UGT1A7: variants seen among roughly 807,000 people sequenced by gnomAD.
UGT1A7 encodes UDP glucuronosyltransferase family 1 member A7.
Under a neutral mutation model 45.6 loss-of-function variants are expected in UGT1A7, and 33 were observed. That is an observed-to-expected ratio of 0.72 (90% CI 0.55 to 0.97). The LOEUF (loss-of-function observed/expected upper bound fraction) is 0.97, where lower values mean the gene tolerates loss of function less well. Among genes scored for constraint, UGT1A7 ranks in the 50% least tolerant of loss-of-function variants. The pLI is 0.00. For synonymous variants in UGT1A7, 274 were observed against 250.6 expected, an observed-to-expected ratio of 1.09 and a Z score of -0.88; for missense variants, 684 against 666.2, an observed-to-expected ratio of 1.03 and a Z score of -0.29.
chr2:233,734,316 G>A (rs901431667), intron 1 of UGT1A7, among the ~76,000 whole-genome samples: 3 of 152,136 alleles, frequency 2.0e-5, no homozygotes, highest in Admixed American at 6.5e-5. Context: ...TTGTGTAGAC[G>A]TATTTATAGT....
chr2:233,720,875 T>C (rs1162518067), intron 1 of UGT1A7, among the ~76,000 whole-genome samples: 2 of 150,264 alleles, frequency 1.3e-5, no homozygotes, highest in East Asian at 3.9e-4. Context: ...CTGGCAATTT[T>C]TTTTTTTTTT....
intron 1 of UGT1A7, chr2:233,743,520 G>C (rs759007678): frequency 7.3e-7 from 1 of 1,367,248 alleles, no homozygotes; most frequent in South Asian, 1.1e-5. Context: ...CTCTGCTTCT[G>C]CTTCCCCAGC....
At chr2:233,768,037 T>C (rs1699552537) in intron 3 of UGT1A7, 101 bp downstream of exon 3, 3 of 1,611,640 alleles carry the variant, frequency 1.9e-6, no homozygotes, top group Non-Finnish European at 2.5e-6. Context: ...GAAAATATTA[T>C]GGCCAACATA....
chr2:233,725,481 C>T (rs1370890816), intron 1 of UGT1A7, among the ~76,000 whole-genome samples: 11 of 151,704 alleles, frequency 7.3e-5, no homozygotes, highest in Non-Finnish European at 1.5e-4. Context: ...TGTTAGAAAC[C>T]AGCAAAAAGA....
chr2:233,727,261 C>T (rs1322887481), intron 1 of UGT1A7, among the ~76,000 whole-genome samples: 2 of 152,146 alleles, frequency 1.3e-5, no homozygotes, highest in African/African-American at 4.8e-5. Flanking sequence ...GCCCAGACCC[C>T]TCCTCATCTC....
At chr2:233,689,824 G>A (rs2074961035) in intron 1 of UGT1A7, 1 of 450,264 alleles carries the variant, frequency 2.2e-6, no homozygotes, top group African/African-American at 2.0e-5. Flanking sequence ...AACATCTCTG[G>A]ACTCTAACTT....
intron 2 of UGT1A7, 76 bp from the exon 3 acceptor site, chr2:233,767,773 C>G: frequency 6.2e-7 from 1 of 1,611,908 alleles, no homozygotes; most frequent in Admixed American, 1.7e-5. Flanking sequence ...CCCCTGTTTT[C>G]TAGTTAGTAT....
chr2:233,743,520 G>A (rs759007678), intron 1 of UGT1A7: 1 of 1,367,248 alleles, frequency 7.3e-7, no homozygotes, highest in Non-Finnish European at 9.8e-7. Flanking sequence ...CTCTGCTTCT[G>A]CTTCCCCAGC....
In UGT1A7 at chr2:233,752,546, T is replaced by C. The variant is rs530394828; in HGVS notation, c.856-14488T>C. ...TAAAAATTCTTTAAATAAAATGCTC[T>C]TGCTGGGACAACATAGTGGGTCAAC... is the stretch of plus-strand genomic sequence containing the variant. On this transcript the variant is annotated intron_variant, in intron 1 of 4. Coordinates refer to ENST00000373426, the MANE Select transcript of UGT1A7 (RefSeq NM_019077.3). The C allele has an allele frequency of 2.0e-5, 3 of 152,346 alleles. No homozygotes were observed. The East Asian group carries it at 5.8e-4, about 29-fold the overall frequency. The allele number at this position is 152,346 out of a possible 1,614,324, so 9.4% of individuals were successfully genotyped here.
chr2:233,738,550 A>G (rs1046913634), intron 1 of UGT1A7, among the ~76,000 whole-genome samples: 1 of 152,224 alleles, frequency 6.6e-6, no homozygotes, highest in African/African-American at 2.4e-5. Flanking sequence ...AGTCTCAGAT[A>G]GAGATGAGGA....
rs1381446739 is a variant in UGT1A7, at chr2:233,682,137, G to A, written c.200G>A (p.Gly67Glu). 3.1e-6 allele frequency: 5 copies of A among 1,614,078 alleles called. No individual in the cohort carries two copies. Among genetic ancestry groups the A allele is most frequent in the South Asian group, 1.1e-5 (1 of 91,084 alleles). ...ATGCCAGAGGTGAGTTGGCAACTGG[G>A]AAGATCACTGAATTGCACAGTGAAG... ...VVMPEVSWQL[G>E]RSLNCTVKTY... Residue 67 changes from glycine (G) to glutamate (E), a missense_variant, in exon 1 of 5, where the codon GGA (glycine) becomes GAA (glutamate). Coordinates refer to ENST00000373426, the MANE Select transcript of UGT1A7 (RefSeq NM_019077.3).
intron 1 of UGT1A7, among the ~76,000 whole-genome samples, chr2:233,702,208 A>C (rs2075676180): frequency 6.6e-6 from 1 of 152,148 alleles, no homozygotes; most frequent in South Asian, 2.1e-4. Context: ...GCCATTAATC[A>C]ACTTTCTGTC....
intron 1 of UGT1A7, chr2:233,747,685 G>C: frequency 1.2e-6 from 2 of 1,608,708 alleles, no homozygotes; most frequent in Non-Finnish European, 1.7e-6. Context: ...TACCTCTGTG[G>C]GGCAGTGCTG....
intron 1 of UGT1A7, chr2:233,692,086 G>A (rs1010859052): frequency 1.3e-5 from 2 of 152,196 alleles, no homozygotes; most frequent in Admixed American, 6.5e-5. Flanking sequence ...ATTGAAGATT[G>A]ATTTGATCAC....
rs1025205090 is a variant in UGT1A7, at chr2:233,748,083, G to A, written c.856-18951G>A. 35 of 1,612,864 alleles carry A rather than the reference G, an allele frequency of 2.2e-5. No homozygotes were observed. In the Middle Eastern group the frequency reaches 5.0e-4, roughly 23 times the overall value. On this transcript the variant is annotated intron_variant, in intron 1 of 4. Transcript: ENST00000373426. ...CAACAGGAAGCCACTATCTCAGGTC[G>A]GTGTTCGTGCCTTCATCCAATCAAT... is the stretch of plus-strand genomic sequence containing the variant.
In UGT1A7 at chr2:233,742,896, A is replaced by G. The variant is rs28900374; in HGVS notation, c.856-24138A>G. On this transcript the variant is annotated intron_variant, in intron 1 of 4. Coordinates refer to ENST00000373426, the MANE Select transcript of UGT1A7 (RefSeq NM_019077.3). ...CACCTGGCTCACACTTTCCCAACGG[A>G]AAAAGGTAATGCTCAAAGTGCTGAA... 1,545 of 165,018 alleles carry G rather than the reference A, an allele frequency of 9.4e-3. 58 individuals are homozygous for G. Among genetic ancestry groups the G allele is most frequent in the African/African-American group, 0.035 (1,468 of 41,444 alleles). 10.2% of individuals were successfully genotyped at this position (165,018 alleles called of 1,614,324 possible). A position where few individuals can be genotyped will look rare whatever the true frequency, so the allele number is the denominator to read the frequency against.
chr2:233,729,850 G>A (rs916795505), intron 1 of UGT1A7: 7 of 1,613,752 alleles, frequency 4.3e-6, no homozygotes, highest in African/African-American at 1.3e-5. Context: ...TTTTCAGAGA[G>A]AGGTGTCAGT....
chr2:233,688,101 C>T (rs530758909), intron 1 of UGT1A7, among the ~76,000 whole-genome samples: 1 of 152,308 alleles, frequency 6.6e-6, no homozygotes, highest in South Asian at 2.1e-4. Context: ...TATTTCTCCC[C>T]CTTCTTCTAC....
At chr2:233,693,849 G>C (rs371810579) in intron 1 of UGT1A7, 9 of 1,614,082 alleles carry the variant, frequency 5.6e-6, no homozygotes, top group Non-Finnish European at 6.8e-6. Context: ...TGTAAGAAGA[G>C]GAAAGACTTG....
Sources: gnomAD v4.1 joint callset for allele counts (sites outside exome capture counted in the v4.1 genomes callset) on GRCh38, gnomAD v4.1.1 for gene constraint, MANE v1.5 for transcripts, NCBI Gene and HGNC (gene_info 2026-07-23, HGNC 2026-07-21) for gene names.